The following CELSR1 variants were observed in gnomAD, a reference collection of about 807,000 sequenced individuals.
CELSR1 encodes adhesion G protein-coupled receptor C1.
Under a neutral mutation model 249.1 loss-of-function variants are expected in CELSR1, and 110 were observed. That is an observed-to-expected ratio of 0.44 (90% CI 0.38 to 0.52). The LOEUF is 0.52. Ranked by LOEUF, CELSR1 falls within the 20% of genes least tolerant of loss-of-function variation. CELSR1 has a pLI of 0.00. For synonymous variants in CELSR1, 2,113 were observed against 1,900.0 expected, an observed-to-expected ratio of 1.11 and a Z score of -2.92; for missense variants, 4,109 against 4,296.4, an observed-to-expected ratio of 0.96 and a Z score of 1.22.
chr22:46,442,380 G>A (rs1311897211), intron 2 of CELSR1, among the ~76,000 whole-genome samples: 4 of 152,220 alleles, frequency 2.6e-5, no homozygotes, highest in Non-Finnish European at 5.9e-5. Flanking sequence ...ACTGCCCAAC[G>A]CAGGCCATCC....
intron 33 of CELSR1, 44 bp from the exon 34 acceptor site, chr22:46,364,295 C>T: frequency 6.3e-7 from 1 of 1,592,282 alleles, no homozygotes; most frequent in Middle Eastern, 1.7e-4. Flanking sequence ...GGTGATGCTG[C>T]CGGGGGCAGC....
chr22:46,365,334 G>C lies in CELSR1; in HGVS notation c.8451C>G (p.Ser2817Arg). The C allele has an allele frequency of 6.2e-7, 1 of 1,612,984 alleles. No homozygotes were observed. The highest frequency in any genetic ancestry group is 8.5e-7 in the Non-Finnish European group (1 of 1,179,966). Residue 2817 changes from serine to arginine, a missense_variant, in exon 32 of 35, where the codon AGC becomes AGG. By Grantham distance (110) the Ser-to-Arg change is moderately radical. This residue lies in a region of CELSR1 where 1,805 missense variants were observed against 1,831.6 expected (regional missense o/e 0.99). Coordinates refer to ENST00000674500, the MANE Select transcript of CELSR1 (RefSeq NM_001378328.1). ...SDSELSLDEQ[S>R]SSYASSHSSD... is the part of the protein sequence containing the mutation. ...ACGAGTGTGAGGAGGCGTAAGAGCT[G>C]CTCTGCTCATCCAGGGACAGCTCGC... is the stretch of plus-strand genomic sequence containing the variant.
In CELSR1 at chr22:46,393,827, GGGTGGGCTTCCCACAGCCATGGGCA is replaced by G. The variant is rs1201724245; in HGVS notation, c.5964+290_5964+314del. On this transcript the variant is annotated intron_variant, in intron 14 of 34. Coordinates refer to ENST00000674500, the MANE Select transcript of CELSR1 (RefSeq NM_001378328.1). The surrounding 1 kb of genome is among the most constrained non-coding windows in gnomAD (Gnocchi z 4.1). The stretch of plus-strand genomic sequence containing the variant: ...CATAGATGAGCCAGCCCTCAGAAAC[GGGTGGGCTTCCCACAGCCATGGGCA>G]GTAGGCCGGGAGGAGGCAGGGATTC... Among the ~76,000 whole-genome samples, 1 of 152,216 alleles carries G rather than the reference GGGTGGGCTTCCCACAGCCATGGGCA, an allele frequency of 6.6e-6. No homozygotes were observed. Among genetic ancestry groups the G allele is most frequent in the African/African-American group, 2.4e-5 (1 of 41,460 alleles).
At chr22:46,509,329 T>C (rs961659262) in intron 1 of CELSR1, among the ~76,000 whole-genome samples, 9 of 152,052 alleles carry the variant, frequency 5.9e-5, no homozygotes, top group African/African-American at 1.9e-4. Flanking sequence ...GGAGATGGGG[T>C]GCAGAGGGGG....
chr22:46,442,729 G>A lies in CELSR1; in HGVS notation c.4184-3318C>T, dbSNP rs117958420. On this transcript the variant is annotated intron_variant, in intron 2 of 34. Transcript: ENST00000674500. Reference sequence around the variant, plus strand: ...ATCAGAGGTAAATGGTGCCTCTGAAGAATCTGAGTTCTCCCTCTGCTTCCC... The same window carrying A: ...ATCAGAGGTAAATGGTGCCTCTGAAAAATCTGAGTTCTCCCTCTGCTTCCC... Among the ~76,000 whole-genome samples, 907 of 152,320 alleles carry A rather than the reference G, an allele frequency of 6.0e-3. 4 individuals are homozygous for A. The highest frequency in any genetic ancestry group is 0.01 in the Non-Finnish European group (713 of 68,030).
chr22:46,478,378 A>AAACAAATTTC (rs2080231444), intron 1 of CELSR1, among the ~76,000 whole-genome samples: 1 of 152,144 alleles, frequency 6.6e-6, no homozygotes, highest in Non-Finnish European at 1.5e-5. Context: ...TTAAACGACA[A>AAACAAATTTC]AACAAATTTC....
intron 1 of CELSR1, among the ~76,000 whole-genome samples, chr22:46,482,827 G>A (rs921172583): frequency 6.6e-6 from 1 of 152,198 alleles, no homozygotes; most frequent in Admixed American, 6.5e-5. Context: ...CTGGAGAACA[G>A]GGGAGGGGAA....
At chr22:46,372,040 C>T (rs2078857873) in intron 25 of CELSR1, among the ~76,000 whole-genome samples, 1 of 150,246 alleles carries the variant, frequency 6.7e-6, no homozygotes, top group South Asian at 2.1e-4. Context: ...CTCGTCTCTC[C>T]ATCCCTATAT....
Position 46,464,140 on chromosome 22 carries a change from G to A in CELSR1, c.3750C>T (p.Asp1250=). 1 of 1,613,864 alleles carries A rather than the reference G, an allele frequency of 6.2e-7. No individual in the cohort carries two copies. The highest frequency in any genetic ancestry group is 1.3e-5 in the African/African-American group (1 of 75,076). Residue 1250 remains aspartate, a synonymous_variant, in exon 2 of 35, where the codon GAC becomes GAT. Coordinates refer to ENST00000674500, the MANE Select transcript of CELSR1 (RefSeq NM_001378328.1). This position sits in a 1 kb window ranked among gnomAD's most constrained non-coding sequence, Gnocchi z 8.5. The part of the protein sequence containing the change: ...DDVFVFNVQN[D]TDVSSNILNV... The stretch of plus-strand genomic sequence containing the variant: ...TCAGGATGTTGGAGCTGACGTCGGT[G>A]TCGTTCTGGACGTTGAAGACGAAGA...
chr22:46,496,851 C>G (rs979454899), intron 1 of CELSR1, among the ~76,000 whole-genome samples: 2 of 147,192 alleles, frequency 1.4e-5, no homozygotes, highest in African/African-American at 5.0e-5. Context: ...TTACAGTTAA[C>G]TTTTTTTTTT....
chr22:46,517,275 C>T lies in CELSR1; in HGVS notation c.3544+16352G>A, dbSNP rs551427209. ...GGCAAAAAATGCTGGGCCGATGACC[C>T]GCAGGAAAAACAGGAGGGAAGAGAG... is the stretch of plus-strand genomic sequence containing the variant. On this transcript the variant is annotated intron_variant, in intron 1 of 34. Transcript: ENST00000674500. The surrounding 1 kb of genome is among the most constrained non-coding windows in gnomAD (Gnocchi z 5.4). Among the ~76,000 whole-genome samples the T allele has an allele frequency of 1.2e-4, 19 of 152,336 alleles. No individual in the cohort carries two copies. Among genetic ancestry groups the T allele is most frequent in the Non-Finnish European group, 2.2e-4 (15 of 68,036 alleles).
rs376797872 is a variant in CELSR1 at position 46,437,683 on chromosome 22, G to A, written c.4407-1394C>T. On this transcript the variant is annotated intron_variant, in intron 3 of 34. Transcript: ENST00000674500. This position sits in a 1 kb window ranked among gnomAD's most constrained non-coding sequence, Gnocchi z 4.9. Reference sequence around the variant, plus strand: ...GGAGAATTGCTTGAACCTGGGAGGCGGAAGTTGCAGTGAGCCGAGATCATA... The same window carrying A: ...GGAGAATTGCTTGAACCTGGGAGGCAGAAGTTGCAGTGAGCCGAGATCATA... Among the ~76,000 whole-genome samples, 2 of 151,288 alleles carry A rather than the reference G, an allele frequency of 1.3e-5. No homozygotes were observed. The highest frequency in any genetic ancestry group is 4.9e-5 in the African/African-American group (2 of 40,992).
At chr22:46,373,171 C>T (rs925756897) in intron 24 of CELSR1, 114 bp from the exon 25 acceptor site, 4 of 1,098,820 alleles carry the variant, frequency 3.6e-6, no homozygotes, top group African/African-American at 1.6e-5. Context: ...CCCTATGTGT[C>T]TGTCCTCAGC....
At chr22:46,431,942 C>T (rs1167034422) in intron 5 of CELSR1, among the ~76,000 whole-genome samples, 14 of 152,200 alleles carry the variant, frequency 9.2e-5, no homozygotes, top group Non-Finnish European at 1.3e-4. Context: ...ATCCAATGTG[C>T]GGCAGCCCAG....
At chr22:46,467,310 A>T (rs2080107116) in intron 1 of CELSR1, among the ~76,000 whole-genome samples, 1 of 152,192 alleles carries the variant, frequency 6.6e-6, no homozygotes, top group African/African-American at 2.4e-5. Context: ...AAGCCCAAAC[A>T]CACACACCAA....
At position 46,393,839 on chromosome 22, in the gene CELSR1, C is replaced by T. The variant is rs567014985; in HGVS notation, c.5964+303G>A. ...AGCCCTCAGAAACGGGTGGGCTTCCCACAGCCATGGGCAGTAGGCCGGGAG... is the reference window on the plus strand; with the variant it reads ...AGCCCTCAGAAACGGGTGGGCTTCCTACAGCCATGGGCAGTAGGCCGGGAG... On this transcript the variant is annotated intron_variant, in intron 14 of 34. Transcript: ENST00000674500. The surrounding 1 kb of genome is among the most constrained non-coding windows in gnomAD (Gnocchi z 4.1). Among the ~76,000 whole-genome samples, 1 of 152,198 alleles carries T rather than the reference C, an allele frequency of 6.6e-6. No individual in the cohort carries two copies. Among genetic ancestry groups the T allele is most frequent in the East Asian group, 1.9e-4 (1 of 5,178 alleles).
chr22:46,504,981 G>A (rs2080500939), intron 1 of CELSR1, among the ~76,000 whole-genome samples: 1 of 152,202 alleles, frequency 6.6e-6, no homozygotes, highest in Non-Finnish European at 1.5e-5. Context: ...AGCAAGGAAA[G>A]GCCGGGTGCG....
chr22:46,385,714 C>CCG (rs2079025163), intron 19 of CELSR1, among the ~76,000 whole-genome samples: 1 of 145,372 alleles, frequency 6.9e-6, no homozygotes. Context: ...GTCTGGCTCT[C>CCG]TCGCCCAGGC....
chr22:46,369,852 G>C, intron 25 of CELSR1, 48 bp from the exon 26 acceptor site: 1 of 1,538,798 alleles, frequency 6.5e-7, no homozygotes, highest in Non-Finnish European at 9.0e-7. Flanking sequence ...CGTGCCCAGT[G>C]GCCACCCCAT....
Sources: allele counts gnomAD v4.1 joint callset (sites outside exome capture counted in the v4.1 genomes callset), GRCh38; gene constraint gnomAD v4.1.1; regional missense constraint gnomAD v4.1.1; non-coding constraint Gnocchi (gnomAD v3.1); transcripts MANE v1.5; gene names NCBI Gene and HGNC (gene_info 2026-07-23, HGNC 2026-07-21).